STK39: variants seen among roughly 807,000 people sequenced by gnomAD.
STK39 encodes the protein STE20/SPS1-related proline-alanine-rich protein kinase.
In STK39, 20 loss-of-function variants were observed where a neutral mutation model predicts 77.8. The observed-to-expected ratio is 0.26, with a 90% CI of 0.18 to 0.37. The LOEUF (loss-of-function observed/expected upper bound fraction) is 0.37. Among genes scored for constraint, STK39 ranks in the 10% least tolerant of loss-of-function variants. The pLI, the probability that STK39 is intolerant of heterozygous loss-of-function variation, is 1.00. For synonymous variants in STK39, 246 were observed against 234.1 expected, an observed-to-expected ratio of 1.05 and a Z score of -0.47; for missense variants, 479 against 656.5, an observed-to-expected ratio of 0.73 and a Z score of 2.95.
intron 1 of STK39, among the ~76,000 whole-genome samples, chr2:168,234,462 G>A (rs1357695042): frequency 1.3e-5 from 2 of 152,126 alleles, no homozygotes; most frequent in Non-Finnish European, 2.9e-5. Flanking sequence ...CACTGCTGCT[G>A]CTCTGATTGT....
intron 16 of STK39, among the ~76,000 whole-genome samples, chr2:168,002,171 C>T: frequency 6.6e-6 from 1 of 152,220 alleles, no homozygotes; most frequent in African/African-American, 2.4e-5. Flanking sequence ...GATTCTATCT[C>T]TGTACTAATG....
intron 16 of STK39, among the ~76,000 whole-genome samples, chr2:167,992,098 G>A (rs1683713860): frequency 6.6e-6 from 1 of 152,194 alleles, no homozygotes; most frequent in South Asian, 2.1e-4. Flanking sequence ...CACTCTAAAT[G>A]AGTCTGAAGT....
chr2:168,133,827 C>T (rs886421168), intron 8 of STK39, among the ~76,000 whole-genome samples: 1 of 151,056 alleles, frequency 6.6e-6, no homozygotes, highest in Non-Finnish European at 1.5e-5. Flanking sequence ...CATTCCACTC[C>T]AGCCTGGGTG....
intron 1 of STK39, among the ~76,000 whole-genome samples, chr2:168,204,561 G>A (rs931702265): frequency 1.3e-5 from 2 of 152,196 alleles, no homozygotes; most frequent in Non-Finnish European, 2.9e-5. Flanking sequence ...TGGAGGAAAC[G>A]ATTCTGAAGT....
chr2:168,139,920 G>C (rs1345307745), intron 7 of STK39, among the ~76,000 whole-genome samples: 1 of 152,066 alleles, frequency 6.6e-6, no homozygotes, highest in African/African-American at 2.4e-5. Flanking sequence ...TGAAAATCTG[G>C]GAAACCCATT....
At chr2:168,022,909 G>C (rs190282850) in intron 14 of STK39, among the ~76,000 whole-genome samples, 1 of 152,040 alleles carries the variant, frequency 6.6e-6, no homozygotes, top group Non-Finnish European at 1.5e-5. Flanking sequence ...ACTGAAATTC[G>C]TTTTTTTCAT....
chr2:168,145,656 A>C (rs1688117771), intron 5 of STK39, among the ~76,000 whole-genome samples: 1 of 152,196 alleles, frequency 6.6e-6, no homozygotes. Flanking sequence ...CTGTGTGGTT[A>C]TGATGTCTAA....
intron 10 of STK39, among the ~76,000 whole-genome samples, chr2:168,127,343 G>A (rs1255080223): frequency 6.6e-6 from 1 of 152,094 alleles, no homozygotes; most frequent in African/African-American, 2.4e-5. Context: ...TAGAGATGGG[G>A]TTTCACCACA....
chr2:168,051,943 G>C (rs563402234), intron 14 of STK39, among the ~76,000 whole-genome samples: 28 of 151,968 alleles, frequency 1.8e-4, no homozygotes, highest in Admixed American at 1.8e-3. Context: ...GCTGCTGATA[G>C]GTGTTTGGCT....
At position 168,080,656 on chromosome 2, in the gene STK39, A is replaced by G. The variant is rs1165747372; in HGVS notation, c.1090-5425T>C. 4.6e-5 allele frequency among the ~76,000 whole-genome samples: 7 copies of G among 152,252 alleles called. No individual in the cohort carries two copies. In the East Asian group the frequency reaches 1.4e-3, roughly 29 times the overall value. On this transcript the variant is annotated intron_variant, in intron 10 of 17. Coordinates refer to ENST00000355999, the MANE Select transcript of STK39 (RefSeq NM_013233.3). Reference sequence around the variant, plus strand: ...AAAAAAAAAAAAATGTTAATCACCAAGACAATGGGGAAAACATCTCCAGGG... The same window carrying G: ...AAAAAAAAAAAAATGTTAATCACCAGGACAATGGGGAAAACATCTCCAGGG...
intron 1 of STK39, among the ~76,000 whole-genome samples, chr2:168,217,809 C>A (rs1239212850): frequency 6.6e-6 from 1 of 152,138 alleles, no homozygotes; most frequent in African/African-American, 2.4e-5. Context: ...TTTCAATCTA[C>A]ATTTAACTGA....
At chr2:168,163,910 T>C in intron 3 of STK39, 30 bp from the exon 4 acceptor site, 1 of 1,606,026 alleles carries the variant, frequency 6.2e-7, no homozygotes, top group Non-Finnish European at 8.5e-7. Context: ...AATTAAAACA[T>C]AAGCACCTTC....
chr2:168,179,790 T>A (rs935085866), intron 2 of STK39, among the ~76,000 whole-genome samples: 1 of 152,112 alleles, frequency 6.6e-6, no homozygotes, highest in Non-Finnish European at 1.5e-5. Flanking sequence ...GAAACCAGAA[T>A]GACCAGCCTC....
chr2:168,067,498 G>A (rs1019472549), intron 12 of STK39, among the ~76,000 whole-genome samples: 2 of 152,164 alleles, frequency 1.3e-5, no homozygotes, highest in African/African-American at 4.8e-5. Context: ...CAGAAGCTGA[G>A]CAGCTGCCAG....
At chr2:168,235,579 T>C (rs1690581488) in intron 1 of STK39, among the ~76,000 whole-genome samples, 1 of 151,054 alleles carries the variant, frequency 6.6e-6, no homozygotes. Context: ...GTATTAGGTA[T>C]TTCTCCTAAT....
Position 167,955,547 on chromosome 2 carries a change from C to A in STK39, c.1587G>T (p.Glu529Asp), listed in dbSNP as rs1283704632. Residue 529 changes from glutamate (E) to aspartate (D), a missense_variant, in exon 18 of 18, where the codon GAG becomes GAT. By Grantham distance (45) the Glu-to-Asp change is conservative. Around this residue, in one of 3 missense-constraint regions of STK39, gnomAD observed 244 missense variants for 296.8 expected, o/e 0.82. Coordinates refer to ENST00000355999, the MANE Select transcript of STK39 (RefSeq NM_013233.3). ...FKLASGCDGS[E>D]IPDEVKLIGF... ...CAATCAGCTTCACTTCATCAGGAATCTCCGACCCATCACAGCCAGAAGCCT... is the reference window on the plus strand; with the variant it reads ...CAATCAGCTTCACTTCATCAGGAATATCCGACCCATCACAGCCAGAAGCCT... 6.2e-7 allele frequency: 1 copy of A among 1,613,886 alleles called. No homozygotes were observed. The highest frequency in any genetic ancestry group is 8.5e-7 in the Non-Finnish European group (1 of 1,179,884).
intron 1 of STK39, among the ~76,000 whole-genome samples, chr2:168,236,100 A>G (rs1255352596): frequency 1.3e-5 from 2 of 151,866 alleles, no homozygotes; most frequent in African/African-American, 4.8e-5. Flanking sequence ...ATTTCTCCAC[A>G]TCCTCTCCAG....
chr2:168,137,611 C>T (rs1687872966), intron 8 of STK39, among the ~76,000 whole-genome samples: 1 of 152,162 alleles, frequency 6.6e-6, no homozygotes, highest in African/African-American at 2.4e-5. Flanking sequence ...ATCTTCTTTA[C>T]TGATAATCTT....
chr2:168,207,632 A>C (rs1689775037), intron 1 of STK39, among the ~76,000 whole-genome samples: 1 of 152,230 alleles, frequency 6.6e-6, no homozygotes, highest in Non-Finnish European at 1.5e-5. Flanking sequence ...GTGAAATACA[A>C]AAAAAATTTT....
Sources: gnomAD v4.1 joint callset for allele counts (sites outside exome capture counted in the v4.1 genomes callset) on GRCh38, gnomAD v4.1.1 for gene constraint, gnomAD v4.1.1 regional missense constraint, MANE v1.5 for transcripts, NCBI Gene and HGNC (gene_info 2026-07-23, HGNC 2026-07-21) for gene names.